VPS13B: variants seen among roughly 807,000 people sequenced by gnomAD.
The protein encoded by VPS13B is intermembrane lipid transfer protein VPS13B.
In VPS13B, 285 loss-of-function variants were observed where a neutral mutation model predicts 426.4. The ratio of observed to expected loss-of-function variants is 0.67; its 90% confidence interval spans 0.61 to 0.74. The LOEUF (loss-of-function observed/expected upper bound fraction) is 0.74. Ranked by LOEUF, VPS13B falls within the 30% of genes least tolerant of loss-of-function variation. The probability of loss-of-function intolerance (pLI) is 0.00; values close to 1 mark genes in which losing one functional copy is unlikely to be tolerated. For missense variants in VPS13B, 4,537 were observed against 4,782.6 expected, an observed-to-expected ratio of 0.95 and a Z score of 1.51; for synonymous variants, 1,676 against 1,676.4, an observed-to-expected ratio of 1.00 and a Z score of 0.01.
At chr8:99,736,143 A>T (rs1833820803) in intron 39 of VPS13B, among the ~76,000 whole-genome samples, 1 of 152,224 alleles carries the variant, frequency 6.6e-6, no homozygotes, top group Non-Finnish European at 1.5e-5. Context: ...GGAGAGAAGA[A>T]GTGAGGAACT....
At chr8:99,786,342 AATGTT>A (rs1212891757) in intron 43 of VPS13B, among the ~76,000 whole-genome samples, 1 of 152,206 alleles carries the variant, frequency 6.6e-6, no homozygotes, top group African/African-American at 2.4e-5. Context: ...GACAAATAGA[AATGTT>A]AAGTTAGGTA....
In VPS13B at chr8:99,721,064, C is replaced by A. The variant is rs371138843; in HGVS notation, c.7050+17C>A. ...GTGCTACAGGTATGTAATGACCATT[C>A]ATTGTAAAATGAAAACATTGTGGGA... On this transcript the variant is annotated intron_variant, in intron 39 of 61. Transcript: ENST00000357162. 5.0e-6 allele frequency: 8 copies of A among 1,612,928 alleles called. No homozygotes were observed. The African/African-American group carries it at 9.4e-5, about 19-fold the overall frequency.
intron 19 of VPS13B, among the ~76,000 whole-genome samples, chr8:99,292,631 G>A (rs927370835): frequency 2.0e-5 from 3 of 152,102 alleles, no homozygotes; most frequent in African/African-American, 7.2e-5. Context: ...CATGGACCTA[G>A]ATGTTTCTAC....
chr8:99,071,965 A>AG, intron 3 of VPS13B, among the ~76,000 whole-genome samples: 1 of 152,082 alleles, frequency 6.6e-6, no homozygotes, highest in South Asian at 2.1e-4. Context: ...CTGTCCCTTT[A>AG]GGGCAGTGGG....
At position 99,809,456 on chromosome 8, in the gene VPS13B, A is replaced by G. The variant is rs770879393; in HGVS notation, c.8023A>G (p.Arg2675Gly). 32 of 1,613,970 alleles carry G rather than the reference A, an allele frequency of 2.0e-5. No homozygotes were observed. Among genetic ancestry groups the G allele is most frequent in the Non-Finnish European group, 2.7e-5 (32 of 1,179,980 alleles). The change falls in exon 44 of 62, where the codon AGA (arginine) becomes GGA (glycine). Residue 2675 changes from arginine to glycine, a missense_variant. Physicochemically the swap from Arg to Gly is moderately radical, Grantham distance 125. Transcript: ENST00000357162. ...TGTGGACCATGCCGGGACTTTTATT[A>G]GAACAATTCAGTACAGGGGTCGAAC... ...FSVDHAGTFIRTIQYRGRTAS... is the reference protein window; with the variant it reads ...FSVDHAGTFIGTIQYRGRTAS...
chr8:99,328,592 G>C (rs552938698), intron 19 of VPS13B, among the ~76,000 whole-genome samples: 1 of 152,028 alleles, frequency 6.6e-6, no homozygotes, highest in Admixed American at 6.6e-5. Flanking sequence ...GAGATGATTG[G>C]ATAAGATAAC....
At chr8:99,714,000 C>T (rs1832809139) in intron 36 of VPS13B, among the ~76,000 whole-genome samples, 1 of 151,836 alleles carries the variant, frequency 6.6e-6, no homozygotes, top group Admixed American at 6.6e-5. Flanking sequence ...ATTATCCGGG[C>T]ATGTTGGTGG....
At chr8:99,311,664 G>A (rs932689396) in intron 19 of VPS13B, among the ~76,000 whole-genome samples, 1 of 152,228 alleles carries the variant, frequency 6.6e-6, no homozygotes, top group African/African-American at 2.4e-5. Flanking sequence ...GGGGTAGAGA[G>A]TTCTGTAGAT....
At chr8:99,212,191 C>T (rs2132799761) in intron 17 of VPS13B, among the ~76,000 whole-genome samples, 1 of 152,330 alleles carries the variant, frequency 6.6e-6, no homozygotes, top group East Asian at 1.9e-4. Context: ...CCGCACCTGG[C>T]CCAGTCGTGC....
At chr8:99,853,332 T>A in intron 55 of VPS13B, 119 bp from the exon 56 acceptor site, 1 of 1,022,388 alleles carries the variant, frequency 9.8e-7, no homozygotes, top group Non-Finnish European at 1.5e-6. Flanking sequence ...TATTTGTTTC[T>A]TATGAGAATC....
intron 14 of VPS13B, among the ~76,000 whole-genome samples, chr8:99,154,219 G>T: frequency 6.8e-6 from 1 of 147,816 alleles, no homozygotes; most frequent in Non-Finnish European, 1.5e-5. Flanking sequence ...TTTCTAATTT[G>T]GTGTCTGACA....
chr8:99,719,821 T>A (rs1833065341), intron 37 of VPS13B, among the ~76,000 whole-genome samples: 1 of 152,202 alleles, frequency 6.6e-6, no homozygotes, highest in African/African-American at 2.4e-5. Flanking sequence ...TCCTCTGTGT[T>A]GGCACAGTCT....
At chr8:99,325,969 G>T (rs1193534090) in intron 19 of VPS13B, among the ~76,000 whole-genome samples, 1 of 151,538 alleles carries the variant, frequency 6.6e-6, no homozygotes, top group Non-Finnish European at 1.5e-5. Context: ...TATGTTTTTT[G>T]GGGGTCATTT....
chr8:99,714,757 G>C (rs1832844887), intron 36 of VPS13B, among the ~76,000 whole-genome samples: 1 of 152,156 alleles, frequency 6.6e-6, no homozygotes, highest in Non-Finnish European at 1.5e-5. Context: ...ACACGTTGCA[G>C]AATGATTGTC....
intron 12 of VPS13B, among the ~76,000 whole-genome samples, chr8:99,142,764 C>T (rs549069929): frequency 1.8e-4 from 27 of 152,058 alleles, no homozygotes; most frequent in African/African-American, 6.3e-4. Flanking sequence ...TATTAAATAA[C>T]AGGAATAAAT....
intron 33 of VPS13B, among the ~76,000 whole-genome samples, chr8:99,589,870 T>C (rs976028879): frequency 1.3e-5 from 2 of 152,180 alleles, no homozygotes; most frequent in East Asian, 3.8e-4. Flanking sequence ...TTAGGGAGGA[T>C]TCCCTCTTTT....
rs201973611 is a variant in VPS13B, at chr8:99,431,529, G to T, written c.3083-8G>T. The T allele has an allele frequency of 4.3e-6, 7 of 1,612,862 alleles. No individual in the cohort carries two copies. The highest frequency in any genetic ancestry group is 3.3e-5 in the South Asian group (3 of 91,028). On this transcript the variant is annotated splice_region_variant and splice_polypyrimidine_tract_variant and intron_variant, in intron 21 of 61. Coordinates refer to ENST00000357162, the MANE Select transcript of VPS13B (RefSeq NM_152564.5). ...TTCTATTAAATAATTAGCTATTCTC[G>T]TACTCAGAATCCCGCCCATTGTCAG...
At position 99,642,480 on chromosome 8, in the gene VPS13B, T is replaced by C. The variant is rs148704031; in HGVS notation, c.5890T>C (p.Ser1964Pro). Residue 1964 changes from serine (S) to proline (P), a missense_variant, in exon 34 of 62, where the codon TCT becomes CCT. Physicochemically the swap from Ser to Pro is moderately conservative, Grantham distance 74 (BLOSUM62 -1). Coordinates refer to ENST00000357162, the MANE Select transcript of VPS13B (RefSeq NM_152564.5). The part of the protein sequence containing the change: ...IFDAVLKGVA[S>P]DYKCIDPGKT... ...TGATGCTGTGCTTAAAGGGGTGGCC[T>C]CTGATTACAAATGTATAGGTAAGAA... The C allele has an allele frequency of 6.1e-5, 99 of 1,613,374 alleles. 1 individual carries two copies. The African/African-American group carries it at 1.0e-3, about 17-fold the overall frequency.
rs547323066 is a variant in VPS13B at position 99,849,024 on chromosome 8, A to G, written c.10061+130A>G. The G allele has an allele frequency of 1.5e-5, 13 of 892,522 alleles. No individual in the cohort carries two copies. In the East Asian group the frequency reaches 3.3e-4, roughly 23 times the overall value. The allele number at this position is 892,522 out of a possible 1,614,324, so 55.3% of individuals were successfully genotyped here. A position where few individuals can be genotyped will look rare whatever the true frequency, so the allele number is the denominator to read the frequency against. On this transcript the variant is annotated intron_variant, in intron 55 of 61. Coordinates refer to ENST00000357162, the MANE Select transcript of VPS13B (RefSeq NM_152564.5). ...TTGGTTAATTATCATGTAATCCATA[A>G]AAAATATGGTTATTAGCACTAAATC...
Sources: gnomAD v4.1 joint callset for allele counts (sites outside exome capture counted in the v4.1 genomes callset) on GRCh38, gnomAD v4.1.1 for gene constraint, MANE v1.5 for transcripts, NCBI Gene and HGNC (gene_info 2026-07-23, HGNC 2026-07-21) for gene names.